Variants in ZKSCAN1 observed in about 807,000 individuals in gnomAD.
ZKSCAN1 encodes zinc finger protein with KRAB and SCAN domains 1.
Under a neutral mutation model 51.6 loss-of-function variants are expected in ZKSCAN1, and 14 were observed. That is an observed-to-expected ratio of 0.27 (90% CI 0.18 to 0.42). ZKSCAN1 has a LOEUF of 0.42. ZKSCAN1 is among the 10% of genes least tolerant of loss of function. The pLI is 1.00. For missense variants in ZKSCAN1, 531 were observed against 710.0 expected, an observed-to-expected ratio of 0.75 and a Z score of 2.86; for synonymous variants, 263 against 261.5, an observed-to-expected ratio of 1.01 and a Z score of -0.06.
In ZKSCAN1 at chr7:100,036,214, C is replaced by T; in HGVS notation, c.*2017C>T. On this transcript the variant is annotated 3_prime_UTR_variant, in exon 6 of 6. Transcript: ENST00000324306. ...TATAGCTTCTAAGCAGTTTCATCAG[C>T]ATTACTTGGGAAAACGTGTTGCAAG... 6.1e-6 allele frequency: 6 copies of T among 985,416 alleles called. No individual in the cohort carries two copies. In the South Asian group the frequency reaches 2.8e-4, roughly 46 times the overall value. 61.0% of individuals were successfully genotyped at this position (985,416 alleles called of 1,614,324 possible).
chr7:100,023,400 CTTT>C lies in ZKSCAN1; in HGVS notation c.-88-12_-88-10del. 3.1e-6 allele frequency: 4 copies of C among 1,307,474 alleles called. No homozygotes were observed. The highest frequency in any genetic ancestry group is 4.2e-6 in the Non-Finnish European group (4 of 956,894). The allele number at this position is 1,307,474 out of a possible 1,614,324, so 81.0% of individuals were successfully genotyped here. A position where few individuals can be genotyped will look rare whatever the true frequency, so the allele number is the denominator to read the frequency against. On this transcript the variant is annotated splice_polypyrimidine_tract_variant and intron_variant, in intron 1 of 5. Coordinates refer to ENST00000324306, the MANE Select transcript of ZKSCAN1 (RefSeq NM_003439.4). The stretch of plus-strand genomic sequence containing the variant: ...TTTTTGTAAAGGTACGTACTAATGA[CTTT>C]TTTTTTATACTTCAGGAATAGTAAA...
chr7:100,016,595 A>C (rs1212896671), intron 1 of ZKSCAN1, among the ~76,000 whole-genome samples: 1 of 152,148 alleles, frequency 6.6e-6, no homozygotes, highest in East Asian at 1.9e-4. Flanking sequence ...CCGACTTCGA[A>C]ATGATTTGGT....
chr7:100,037,462 A>T lies in ZKSCAN1; in HGVS notation c.*3265A>T. 2 of 985,478 alleles carry T rather than the reference A, an allele frequency of 2.0e-6. No homozygotes were observed. Among genetic ancestry groups the T allele is most frequent in the Non-Finnish European group, 2.4e-6 (2 of 829,942 alleles). 61.0% of individuals were successfully genotyped at this position (985,478 alleles called of 1,614,324 possible). Reference sequence around the variant, plus strand: ...AAGTGAAACTGCTAAATATGTATAGAGAGGTTGACGTGTGATACGTGGGAC... The same window carrying T: ...AAGTGAAACTGCTAAATATGTATAGTGAGGTTGACGTGTGATACGTGGGAC... On this transcript the variant is annotated 3_prime_UTR_variant, in exon 6 of 6. Transcript: ENST00000324306.
rs1352693312 is a variant in ZKSCAN1, at chr7:100,030,264, G to A, written c.688G>A (p.Glu230Lys). 3.7e-6 allele frequency: 6 copies of A among 1,604,314 alleles called. No individual in the cohort carries two copies. Among genetic ancestry groups the A allele is most frequent in the African/African-American group, 1.4e-5 (1 of 73,296 alleles). Reference protein sequence around the residue: ...TADSQAMVKIEDMAVSLILEE... With the variant: ...TADSQAMVKIKDMAVSLILEE... ...GTTATTTTAGGCAATGGTGAAGATC[G>A]AGGACATGGCTGTGTCCCTCATTCT... is the stretch of plus-strand genomic sequence containing the variant. Residue 230 changes from glutamate (E) to lysine (K), a missense_variant, in exon 5 of 6, where the codon GAG becomes AAG. Physicochemically the swap from Glu to Lys is moderately conservative, Grantham distance 56. This residue lies in a region of ZKSCAN1 where 403 missense variants were observed against 490.5 expected (regional missense o/e 0.82). Coordinates refer to ENST00000324306, the MANE Select transcript of ZKSCAN1 (RefSeq NM_003439.4).
intron 1 of ZKSCAN1, among the ~76,000 whole-genome samples, chr7:100,022,865 C>T (rs1463768846): frequency 2.6e-5 from 4 of 152,178 alleles, no homozygotes; most frequent in South Asian, 4.1e-4. Context: ...TGCTCCATTT[C>T]GTAACCTGCT....
At chr7:100,017,598 T>G (rs1295593597) in intron 1 of ZKSCAN1, among the ~76,000 whole-genome samples, 1 of 152,234 alleles carries the variant, frequency 6.6e-6, no homozygotes, top group African/African-American at 2.4e-5. Context: ...AGCTTGTAAC[T>G]TCAAGCCGTT....
chr7:100,027,261 A>G (rs1450176117), intron 3 of ZKSCAN1, among the ~76,000 whole-genome samples: 1 of 149,474 alleles, frequency 6.7e-6, no homozygotes, highest in African/African-American at 2.5e-5. Context: ...GCTCCTCTGC[A>G]CTCCAGCCTG....
rs1455213138 is a variant in ZKSCAN1 at position 100,024,316 on chromosome 7, C to T, written c.580+9C>T. 1.4e-5 allele frequency: 23 copies of T among 1,613,386 alleles called. No individual in the cohort carries two copies. Among genetic ancestry groups the T allele is most frequent in the Non-Finnish European group, 1.9e-5 (23 of 1,179,854 alleles). The stretch of plus-strand genomic sequence containing the variant: ...CCTCTTACAGTCACGAGGTAAGAAG[C>T]AAGGTTTCATTTAGGGGAAGGGAAA... On this transcript the variant is annotated intron_variant, in intron 3 of 5. Coordinates refer to ENST00000324306, the MANE Select transcript of ZKSCAN1 (RefSeq NM_003439.4).
intron 1 of ZKSCAN1, among the ~76,000 whole-genome samples, chr7:100,022,180 A>G (rs1296308284): frequency 2.0e-5 from 3 of 151,994 alleles, no homozygotes; most frequent in Admixed American, 6.6e-5. Context: ...TCAGCCTCCC[A>G]AGTAGCTGGG....
downstream of ZKSCAN1, chr7:100,044,680 CAAAAAA>C (rs59706759): frequency 4.7e-4 from 193 of 414,748 alleles, no homozygotes; most frequent in Middle Eastern, 1.5e-3. Context: ...GACTCTATCT[CAAAAAA>C]AAAAAAAAAA....
At chr7:100,023,227 T>C (rs542594372) in intron 1 of ZKSCAN1, among the ~76,000 whole-genome samples, 192 bp from the exon 2 acceptor site, 5 of 152,166 alleles carry the variant, frequency 3.3e-5, no homozygotes, top group Non-Finnish European at 5.9e-5. Context: ...GCCAGGCTGG[T>C]CTTGAACTCC....
intron 1 of ZKSCAN1, among the ~76,000 whole-genome samples, chr7:100,022,118 G>C (rs563024304): frequency 6.6e-6 from 1 of 152,252 alleles, no homozygotes; most frequent in East Asian, 1.9e-4. Flanking sequence ...GCAGTGGCGC[G>C]ATCTCGGCTC....
At chr7:100,027,577 T>C (rs535087612) in intron 3 of ZKSCAN1, among the ~76,000 whole-genome samples, 1 of 151,344 alleles carries the variant, frequency 6.6e-6, no homozygotes, top group East Asian at 2.0e-4. Flanking sequence ...TGAAACCCCG[T>C]CTCTCCTAAA....
At chr7:100,022,828 T>G (rs1024617096) in intron 1 of ZKSCAN1, among the ~76,000 whole-genome samples, 2 of 152,146 alleles carry the variant, frequency 1.3e-5, no homozygotes, top group Admixed American at 1.3e-4. Flanking sequence ...CTGCTAACAT[T>G]CAGCTCTCTG....
chr7:100,029,856 C>G lies in ZKSCAN1; in HGVS notation c.581-5C>G. ...TTTACTCACAGACCCTTTCTCCTCC[C>G]CCAGCTCTTCCTGCTGCCCACATTC... On this transcript the variant is annotated splice_polypyrimidine_tract_variant and splice_region_variant and intron_variant, in intron 3 of 5. Transcript: ENST00000324306. 1.2e-6 allele frequency: 2 copies of G among 1,613,966 alleles called. No individual in the cohort carries two copies. The highest frequency in any genetic ancestry group is 4.5e-5 in the East Asian group (2 of 44,884).
intron 4 of ZKSCAN1, 119 bp downstream of exon 4, chr7:100,030,071 G>T: frequency 7.1e-7 from 1 of 1,399,456 alleles, no homozygotes; most frequent in Non-Finnish European, 9.9e-7. Flanking sequence ...CCCCAACCCT[G>T]TCCTCTCCTT....
downstream of ZKSCAN1, among the ~76,000 whole-genome samples, chr7:100,045,238 C>T (rs571646696): frequency 5.3e-5 from 8 of 149,978 alleles, no homozygotes; most frequent in East Asian, 4.0e-4. Flanking sequence ...GAAACCCCTA[C>T]GAAACATTTT....
chr7:100,036,498 C>T lies in ZKSCAN1; in HGVS notation c.*2301C>T, dbSNP rs1791366402. 1 of 961,514 alleles carries T rather than the reference C, an allele frequency of 1.0e-6. No homozygotes were observed. Among genetic ancestry groups the T allele is most frequent in the African/African-American group, 1.8e-5 (1 of 56,694 alleles). The allele number at this position is 961,514 out of a possible 1,614,324, so 59.6% of individuals were successfully genotyped here. ...TTGGGAGGCCGAGGTGAGCGGATCA[C>T]CTGAGGTCAGGAGTTTTGAGACCAG... On this transcript the variant is annotated 3_prime_UTR_variant, in exon 6 of 6. Transcript: ENST00000324306.
chr7:100,027,769 C>T (rs1201292241), intron 3 of ZKSCAN1, among the ~76,000 whole-genome samples: 6 of 148,800 alleles, frequency 4.0e-5, no homozygotes, highest in Non-Finnish European at 7.4e-5. Context: ...AAAAAAACAC[C>T]GGTGCACCGT....
Sources: gnomAD v4.1 joint callset for allele counts (sites outside exome capture counted in the v4.1 genomes callset) on GRCh38, gnomAD v4.1.1 for gene constraint, gnomAD v4.1.1 regional missense constraint, MANE v1.5 for transcripts, NCBI Gene and HGNC (gene_info 2026-07-23, HGNC 2026-07-21) for gene names.